The following AGBL4 variants were observed in gnomAD, a reference collection of about 807,000 sequenced individuals.
The protein encoded by AGBL4 is AGBL carboxypeptidase 4, also known as cytosolic carboxypeptidase 6.
A neutral mutation model predicts 66.4 loss-of-function variants in AGBL4; 58 were observed. That is an observed-to-expected ratio of 0.87 (90% CI 0.71 to 1.09). The LOEUF (loss-of-function observed/expected upper bound fraction) is 1.09. Among genes scored for constraint, AGBL4 ranks in the 50% least tolerant of loss-of-function variants. The pLI is 0.00. For synonymous variants in AGBL4, 234 were observed against 222.9 expected (o/e 1.05, Z -0.44); for missense variants, 579 against 631.0 (o/e 0.92, Z 0.88).
At chr1:49,288,981 A>C (rs1644482907) in intron 3 of AGBL4, among the ~76,000 whole-genome samples, 1 of 151,816 alleles carries the variant, frequency 6.6e-6, no homozygotes, top group East Asian at 1.9e-4. Context: ...AGACATGTCA[A>C]GAAATAGTAA....
chr1:49,536,296 A>G (rs1050074970), intron 3 of AGBL4, among the ~76,000 whole-genome samples: 2 of 152,216 alleles, frequency 1.3e-5, no homozygotes, highest in Non-Finnish European at 2.9e-5. Context: ...GTATATTACT[A>G]GGAATTCTGT....
chr1:48,975,069 A>G (rs1235024382), intron 5 of AGBL4, among the ~76,000 whole-genome samples: 2 of 152,148 alleles, frequency 1.3e-5, no homozygotes, highest in Non-Finnish European at 2.9e-5. Context: ...AAGACACAGA[A>G]TGTGAGAAAG....
chr1:48,639,123 G>A (rs1407195777), intron 8 of AGBL4, among the ~76,000 whole-genome samples: 1 of 152,212 alleles, frequency 6.6e-6, no homozygotes, highest in African/African-American at 2.4e-5. Flanking sequence ...TCAACTCCTA[G>A]ATCCAGCCTG....
chr1:49,115,320 T>A (rs1645495902), intron 4 of AGBL4, among the ~76,000 whole-genome samples: 1 of 152,198 alleles, frequency 6.6e-6, no homozygotes, highest in Non-Finnish European at 1.5e-5. Flanking sequence ...TTTCTGTGTA[T>A]TATTTTTCTT....
At chr1:49,109,002 G>T in intron 4 of AGBL4, among the ~76,000 whole-genome samples, 1 of 152,148 alleles carries the variant, frequency 6.6e-6, no homozygotes, top group East Asian at 1.9e-4. Flanking sequence ...TGAGGGGGTT[G>T]GATCAAATGA....
chr1:49,856,072 A>G (rs1646425300), intron 1 of AGBL4, among the ~76,000 whole-genome samples: 1 of 152,090 alleles, frequency 6.6e-6, no homozygotes, highest in Non-Finnish European at 1.5e-5. Context: ...AACTGATACC[A>G]TAGAAATACA....
intron 1 of AGBL4, among the ~76,000 whole-genome samples, chr1:49,968,145 C>T (rs1657729217): frequency 6.6e-6 from 1 of 151,282 alleles, no homozygotes; most frequent in Admixed American, 6.6e-5. Context: ...ATCACTTGAA[C>T]TCAGGAGGCA....
At chr1:49,710,440 G>C (rs1647565378) in intron 2 of AGBL4, among the ~76,000 whole-genome samples, 1 of 152,118 alleles carries the variant, frequency 6.6e-6, no homozygotes, top group South Asian at 2.1e-4. Flanking sequence ...GCCTGTTGGA[G>C]GTTGTGGGGC....
intron 6 of AGBL4, among the ~76,000 whole-genome samples, chr1:48,768,091 T>C (rs1035147758): frequency 6.6e-6 from 1 of 152,334 alleles, no homozygotes; most frequent in South Asian, 2.1e-4. Flanking sequence ...ATACAGGCCC[T>C]GTTCCTATCA....
At chr1:48,591,762 C>T (rs1644922282) in intron 9 of AGBL4, among the ~76,000 whole-genome samples, 1 of 152,122 alleles carries the variant, frequency 6.6e-6, no homozygotes, top group Admixed American at 6.5e-5. Context: ...AAGGAAAATG[C>T]CTTTGCAGTC....
At chr1:49,316,462 A>T (rs1037729394) in intron 3 of AGBL4, among the ~76,000 whole-genome samples, 12 of 151,948 alleles carry the variant, frequency 7.9e-5, no homozygotes, top group Admixed American at 7.9e-4. Context: ...TCACAACCAA[A>T]AATAAAATCA....
chr1:48,902,761 C>G (rs1570962035), intron 5 of AGBL4, among the ~76,000 whole-genome samples: 1 of 152,084 alleles, frequency 6.6e-6, no homozygotes, highest in South Asian at 2.1e-4. Context: ...CTAGATTTGC[C>G]TTTGGCAATT....
In AGBL4 at chr1:49,782,634, T is replaced by A. The variant is rs2144722; in HGVS notation, c.157+68762A>T. On this transcript the variant is annotated intron_variant, in intron 2 of 13. Coordinates refer to ENST00000371839, the MANE Select transcript of AGBL4 (RefSeq NM_032785.4). ...CACGTGTTGGAAACTTAATAGCCAA[T>A]GCACAGTGTTGGTAAGTGGGGTCTA... 3.4e-3 allele frequency among the ~76,000 whole-genome samples: 516 copies of A among 152,302 alleles called. 1 individual carries two copies. Among genetic ancestry groups the A allele is most frequent in the African/African-American group, 0.012 (486 of 41,566 alleles).
chr1:49,884,479 G>A (rs1647800382), intron 1 of AGBL4, among the ~76,000 whole-genome samples: 1 of 151,676 alleles, frequency 6.6e-6, no homozygotes, highest in African/African-American at 2.4e-5. Flanking sequence ...AGAAAGATTT[G>A]GAAAAGGAAA....
chr1:49,852,521 C>G (rs563331450), intron 1 of AGBL4, among the ~76,000 whole-genome samples: 31 of 152,090 alleles, frequency 2.0e-4, no homozygotes, highest in Admixed American at 1.9e-3. Context: ...CTCTGTGGTA[C>G]AGGCCTAGAG....
chr1:49,680,646 A>T lies in AGBL4; in HGVS notation c.282+16667T>A, dbSNP rs982321824. 5.9e-5 allele frequency among the ~76,000 whole-genome samples: 9 copies of T among 151,712 alleles called. 1 individual carries two copies. Among genetic ancestry groups the T allele is most frequent in the Admixed American group, 1.3e-4 (2 of 15,224 alleles). ...TTCTTTCCTCTGTTTTCTTTCAAAA[A>T]TTTTTTTTAATTTGGTTTTTGAAAT... On this transcript the variant is annotated intron_variant, in intron 3 of 13. Coordinates refer to ENST00000371839, the MANE Select transcript of AGBL4 (RefSeq NM_032785.4).
At chr1:49,671,612 T>TA (rs770736910) in intron 3 of AGBL4, among the ~76,000 whole-genome samples, 2 of 152,038 alleles carry the variant, frequency 1.3e-5, no homozygotes, top group Non-Finnish European at 2.9e-5. Flanking sequence ...ATCCAGCATC[T>TA]AAAAAGAACT....
chr1:49,940,255 G>A (rs1051453734), intron 1 of AGBL4, among the ~76,000 whole-genome samples: 1 of 152,196 alleles, frequency 6.6e-6, no homozygotes, highest in Non-Finnish European at 1.5e-5. Context: ...CTGTTGGTGG[G>A]ACTGTAATTA....
intron 6 of AGBL4, among the ~76,000 whole-genome samples, chr1:48,687,437 C>A (rs111760420): frequency 6.6e-6 from 1 of 152,174 alleles, no homozygotes; most frequent in Non-Finnish European, 1.5e-5. Context: ...GTCTGTGCTG[C>A]GGCACCCCCA....
Sources: allele counts gnomAD v4.1 joint callset (sites outside exome capture counted in the v4.1 genomes callset), GRCh38; gene constraint gnomAD v4.1.1; transcripts MANE v1.5; gene names NCBI Gene and HGNC (gene_info 2026-07-23, HGNC 2026-07-21).